Variants in USP13 observed in about 807,000 individuals in gnomAD.
USP13 encodes ubiquitin specific peptidase 13, also known as ubiquitin carboxyl-terminal hydrolase 13.
USP13 carries 68 observed loss-of-function variants against 107.8 expected under a neutral mutation model. The observed-to-expected ratio is 0.63, with a 90% CI of 0.52 to 0.77. USP13 has a LOEUF of 0.77. Ranked by LOEUF, USP13 falls within the 30% of genes least tolerant of loss-of-function variation. The pLI is 0.00. For synonymous variants in USP13, 377 were observed against 389.5 expected (o/e 0.97, Z 0.38); for missense variants, 945 against 1,093.3 (o/e 0.86, Z 1.91).
rs1715896216 is a variant in USP13, at chr3:179,785,630, A to C, written c.*1489A>C. On this transcript the variant is annotated 3_prime_UTR_variant, in exon 21 of 21. Coordinates refer to ENST00000263966, the MANE Select transcript of USP13 (RefSeq NM_003940.3). ...TCTTTTTAGAAACTGTAGGAAAATAAACAGAACCAACCAGGTGAAACAAAG... is the reference window on the plus strand; with the variant it reads ...TCTTTTTAGAAACTGTAGGAAAATACACAGAACCAACCAGGTGAAACAAAG... The C allele has an allele frequency of 6.6e-6, 1 of 152,266 alleles. No individual in the cohort carries two copies. Among genetic ancestry groups the C allele is most frequent in the African/African-American group, 2.4e-5 (1 of 41,468 alleles). 9.4% of individuals were successfully genotyped at this position (152,266 alleles called of 1,614,324 possible).
At chr3:179,746,506 T>C (rs6443670) in intron 13 of USP13, among the ~76,000 whole-genome samples, 138,786 of 151,936 alleles carry the variant, frequency 0.91, 63,584 homozygotes, top group African/African-American at 0.98. Context: ...AATCTCTGCT[T>C]GCCACAACCT....
chr3:179,693,379 C>T (rs1712177147), intron 3 of USP13, among the ~76,000 whole-genome samples: 1 of 152,170 alleles, frequency 6.6e-6, no homozygotes, highest in African/African-American at 2.4e-5. Flanking sequence ...TCTTGAACTT[C>T]TATGCTCAAG....
intron 19 of USP13, among the ~76,000 whole-genome samples, chr3:179,771,189 G>A (rs1560081697): frequency 6.6e-6 from 1 of 152,166 alleles, no homozygotes; most frequent in South Asian, 2.1e-4. Flanking sequence ...CTCCCTAATG[G>A]CACAAGATGG....
chr3:179,740,636 T>C (rs554352874), intron 11 of USP13, among the ~76,000 whole-genome samples: 4 of 152,332 alleles, frequency 2.6e-5, no homozygotes, highest in African/African-American at 7.2e-5. Flanking sequence ...TTGCCAGTTA[T>C]TCCATTCACA....
In USP13 at chr3:179,699,691, C is replaced by A. The variant is rs139539768; in HGVS notation, c.356-1317C>A. On this transcript the variant is annotated intron_variant, in intron 3 of 20. Coordinates refer to ENST00000263966, the MANE Select transcript of USP13 (RefSeq NM_003940.3). ...CTCAAGTCTTGGCAACAGAGTGACACCCTGCCTCAAAAAAAAAAAAAAAGC... is the reference window on the plus strand; with the variant it reads ...CTCAAGTCTTGGCAACAGAGTGACAACCTGCCTCAAAAAAAAAAAAAAAGC... 0.014 allele frequency among the ~76,000 whole-genome samples: 1,243 copies of A among 90,714 alleles called. 58 individuals carry two copies. The East Asian group carries it at 0.14, about 10-fold the overall frequency. 59.5% of individuals were successfully genotyped at this position (90,714 alleles called of 152,430 possible).
intron 2 of USP13, among the ~76,000 whole-genome samples, chr3:179,682,236 TTGAC>T (rs1711685089): frequency 8.8e-6 from 1 of 113,726 alleles, no homozygotes; most frequent in Non-Finnish European, 2.0e-5. Flanking sequence ...AATACATAGA[TTGAC>T]TAATTGGAAA....
chr3:179,721,164 T>C lies in USP13; in HGVS notation c.901-238T>C, dbSNP rs1049811587. 2.6e-5 allele frequency among the ~76,000 whole-genome samples: 4 copies of C among 152,296 alleles called. No homozygotes were observed. The highest frequency in any genetic ancestry group is 7.2e-5 in the African/African-American group (3 of 41,552). On this transcript the variant is annotated intron_variant, in intron 7 of 20. Transcript: ENST00000263966. The surrounding 1 kb of genome is among the most constrained non-coding windows in gnomAD (Gnocchi z 4.3). Reference sequence around the variant, plus strand: ...AAAAATTGTGGTACAATATATATAATATAAAAGCTACCATTTTAACTGTTT... The same window carrying C: ...AAAAATTGTGGTACAATATATATAACATAAAAGCTACCATTTTAACTGTTT...
intron 19 of USP13, among the ~76,000 whole-genome samples, chr3:179,774,540 G>A (rs35237953): frequency 0.06 from 9,102 of 151,730 alleles, 366 homozygotes; most frequent in Non-Finnish European, 0.094. Flanking sequence ...CCTCCTGTCC[G>A]GAGTTGCTCA....
At chr3:179,654,406 T>G (rs547722607) in intron 1 of USP13, among the ~76,000 whole-genome samples, 2 of 152,170 alleles carry the variant, frequency 1.3e-5, no homozygotes, top group African/African-American at 4.8e-5. Flanking sequence ...CCTCGGAGAA[T>G]GAGGAGGAAG....
chr3:179,726,513 T>C (rs931784113), intron 8 of USP13, among the ~76,000 whole-genome samples: 1 of 152,156 alleles, frequency 6.6e-6, no homozygotes, highest in Non-Finnish European at 1.5e-5. Flanking sequence ...TGATTGGAGA[T>C]CAGTGTTAAA....
intron 2 of USP13, among the ~76,000 whole-genome samples, chr3:179,685,439 G>A (rs886898869): frequency 2.0e-5 from 3 of 152,014 alleles, no homozygotes; most frequent in Admixed American, 6.6e-5. Flanking sequence ...ACAAAGAAGA[G>A]GGGGAGAGCA....
At chr3:179,729,657 A>G (rs534785682) in intron 8 of USP13, among the ~76,000 whole-genome samples, 1 of 152,060 alleles carries the variant, frequency 6.6e-6, no homozygotes, top group African/African-American at 2.4e-5. Context: ...TTTTTAGTAG[A>G]GATGGGGTTT....
At chr3:179,777,411 C>CTCAA (rs1715582611) in intron 19 of USP13, among the ~76,000 whole-genome samples, 1 of 145,760 alleles carries the variant, frequency 6.9e-6, no homozygotes, top group South Asian at 2.2e-4. Flanking sequence ...GGGGAAAAGC[C>CTCAA]TTGATTGGGG....
chr3:179,721,649 T>C lies in USP13; in HGVS notation c.1088+60T>C. 7.1e-6 allele frequency: 11 copies of C among 1,558,934 alleles called. No individual in the cohort carries two copies. The highest frequency in any genetic ancestry group is 8.7e-6 in the Non-Finnish European group (10 of 1,147,880). On this transcript the variant is annotated intron_variant, in intron 8 of 20. Coordinates refer to ENST00000263966, the MANE Select transcript of USP13 (RefSeq NM_003940.3). The surrounding 1 kb of genome is among the most constrained non-coding windows in gnomAD (Gnocchi z 4.3). ...ACCTCCCTGCCCCATCTAGGTCCAG[T>C]CCACTCAGTGTGCGCTGCGAAGCCC...
At chr3:179,655,876 A>G (rs1354802312) in intron 1 of USP13, among the ~76,000 whole-genome samples, 2 of 152,196 alleles carry the variant, frequency 1.3e-5, no homozygotes, top group Admixed American at 1.3e-4. Context: ...GGTATGTAAC[A>G]CTATACTATG....
At chr3:179,709,213 CA>C (rs1312223165) in intron 6 of USP13, among the ~76,000 whole-genome samples, 4 of 152,282 alleles carry the variant, frequency 2.6e-5, no homozygotes, top group East Asian at 1.9e-4. Context: ...GCATTTAGCT[CA>C]GTGCACGCTG....
At chr3:179,668,834 G>C (rs545270918) in intron 1 of USP13, among the ~76,000 whole-genome samples, 1 of 152,054 alleles carries the variant, frequency 6.6e-6, no homozygotes, top group Non-Finnish European at 1.5e-5. Context: ...CTTATCTATG[G>C]GTGATTAATT....
At chr3:179,655,164 C>A (rs1055917171) in intron 1 of USP13, among the ~76,000 whole-genome samples, 1 of 152,148 alleles carries the variant, frequency 6.6e-6, no homozygotes, top group East Asian at 1.9e-4. Flanking sequence ...TTTAGGATAG[C>A]ACAACATGGA....
At chr3:179,767,481 G>A (rs1489717978) in intron 19 of USP13, among the ~76,000 whole-genome samples, 1 of 151,030 alleles carries the variant, frequency 6.6e-6, no homozygotes, top group Non-Finnish European at 1.5e-5. Flanking sequence ...CTGGAGTGCA[G>A]TGGCACGATC....
Sources: allele counts gnomAD v4.1 joint callset (sites outside exome capture counted in the v4.1 genomes callset), GRCh38; gene constraint gnomAD v4.1.1; non-coding constraint Gnocchi (gnomAD v3.1); transcripts MANE v1.5; gene names NCBI Gene and HGNC (gene_info 2026-07-23, HGNC 2026-07-21).